TAFA2: variants seen among roughly 807,000 people sequenced by gnomAD.
The protein encoded by TAFA2 is TAFA chemokine like family member 2, also known as chemokine-like protein TAFA-2.
TAFA2 carries 7 observed loss-of-function variants against 18.8 expected under a neutral mutation model. The observed-to-expected ratio is 0.37, with a 90% CI of 0.21 to 0.70. TAFA2 has a LOEUF of 0.70. Among genes scored for constraint, TAFA2 ranks in the 30% least tolerant of loss-of-function variants. The pLI is 0.53. For missense variants in TAFA2, 122 were observed against 158.1 expected, an observed-to-expected ratio of 0.77 and a Z score of 1.23; for synonymous variants, 60 against 54.2, an observed-to-expected ratio of 1.11 and a Z score of -0.47.
At chr12:62,202,920 T>C (rs2062677832) in intron 1 of TAFA2, among the ~76,000 whole-genome samples, 1 of 134,580 alleles carries the variant, frequency 7.4e-6, no homozygotes, top group Non-Finnish European at 1.5e-5. Context: ...CTCCACCCCC[T>C]GGCTCAAGTA....
At chr12:62,061,849 A>T (rs916548788) in intron 1 of TAFA2, among the ~76,000 whole-genome samples, 4 of 152,204 alleles carry the variant, frequency 2.6e-5, no homozygotes, top group African/African-American at 9.6e-5. Context: ...GATAAAGGTG[A>T]CAAAAATCCT....
intron 1 of TAFA2, among the ~76,000 whole-genome samples, chr12:62,050,284 A>G (rs1335083921): frequency 1.3e-5 from 2 of 152,128 alleles, no homozygotes; most frequent in African/African-American, 4.8e-5. Context: ...TTAAAATTTT[A>G]TCACAGCTGG....
chr12:61,857,778 C>T (rs1387138882), intron 2 of TAFA2, among the ~76,000 whole-genome samples: 5 of 117,418 alleles, frequency 4.3e-5, no homozygotes, highest in African/African-American at 1.7e-4. Context: ...TTCTCCTGCA[C>T]CTCCTCTCTT....
intron 4 of TAFA2, among the ~76,000 whole-genome samples, chr12:61,710,778 T>C (rs1869364646): frequency 6.6e-6 from 1 of 151,956 alleles, no homozygotes; most frequent in African/African-American, 2.4e-5. Context: ...CACAAACACA[T>C]CATACTAGGC....
intron 4 of TAFA2, among the ~76,000 whole-genome samples, chr12:61,732,059 G>A (rs902818567): frequency 5.3e-5 from 8 of 152,050 alleles, no homozygotes; most frequent in Non-Finnish European, 1.0e-4. Context: ...GAATTAAGTC[G>A]AGAGAAAGAG....
chr12:61,774,489 TA>T (rs1044170784), intron 2 of TAFA2, among the ~76,000 whole-genome samples: 21 of 151,956 alleles, frequency 1.4e-4, no homozygotes, highest in African/African-American at 4.8e-4. Context: ...TACTCAGCTA[TA>T]AAAATGAATG....
intron 1 of TAFA2, among the ~76,000 whole-genome samples, chr12:62,013,500 C>A (rs1880834168): frequency 6.6e-6 from 1 of 152,128 alleles, no homozygotes; most frequent in Non-Finnish European, 1.5e-5. Context: ...AGTATCTAAT[C>A]CTTCAGGCAA....
At chr12:61,722,268 C>G (rs543333792) in intron 4 of TAFA2, among the ~76,000 whole-genome samples, 3 of 152,198 alleles carry the variant, frequency 2.0e-5, no homozygotes, top group East Asian at 3.9e-4. Context: ...AATATATTTT[C>G]TAATTTTGAA....
rs191004750 is a variant in TAFA2, at chr12:61,715,413, A to G, written c.385-4996T>C. On this transcript the variant is annotated intron_variant, in intron 4 of 4. Transcript: ENST00000416284. ...ACCCAGGCTGGAGTGCAGTAGTGCT[A>G]TCTCGGCTCACTGCAAGCTCTGCCT... 5.9e-3 allele frequency among the ~76,000 whole-genome samples: 893 copies of G among 151,876 alleles called. 7 individuals carry two copies. The highest frequency in any genetic ancestry group is 0.02 in the African/African-American group (845 of 41,404).
upstream of TAFA2, among the ~76,000 whole-genome samples, chr12:62,194,410 C>T (rs1169895892): frequency 1.3e-5 from 2 of 151,826 alleles, no homozygotes; most frequent in African/African-American, 4.8e-5. Context: ...ATAGTTTTGT[C>T]ATCTTGTTAA....
At chr12:61,868,678 A>G (rs1389480871) in intron 1 of TAFA2, among the ~76,000 whole-genome samples, 3 of 152,284 alleles carry the variant, frequency 2.0e-5, no homozygotes, top group Non-Finnish European at 4.4e-5. Flanking sequence ...TTTTTCATGT[A>G]TGACTAAATG....
chr12:62,142,299 A>C (rs1167775484), intron 1 of TAFA2, among the ~76,000 whole-genome samples: 2 of 152,212 alleles, frequency 1.3e-5, no homozygotes, highest in African/African-American at 4.8e-5. Context: ...ACATTTGTTG[A>C]ATAAACGAAA....
chr12:62,185,075 A>G (rs1481274231), intron 1 of TAFA2, among the ~76,000 whole-genome samples: 1 of 152,210 alleles, frequency 6.6e-6, no homozygotes, highest in South Asian at 2.1e-4. Context: ...AAAAAAGTAT[A>G]AATTCTGACC....
chr12:61,812,024 G>A (rs1223635899), intron 2 of TAFA2, among the ~76,000 whole-genome samples: 1 of 151,382 alleles, frequency 6.6e-6, no homozygotes, highest in East Asian at 1.9e-4. Flanking sequence ...TGTAAGAGAT[G>A]TATTGTGGCT....
chr12:62,149,515 C>A (rs1360320464), intron 1 of TAFA2, among the ~76,000 whole-genome samples: 5 of 149,078 alleles, frequency 3.4e-5, no homozygotes, highest in African/African-American at 1.2e-4. Context: ...GTTTTGCTGC[C>A]AAAAAATAAA....
At chr12:62,071,515 G>A (rs1882630868) in intron 1 of TAFA2, among the ~76,000 whole-genome samples, 1 of 152,132 alleles carries the variant, frequency 6.6e-6, no homozygotes, top group African/African-American at 2.4e-5. Context: ...GCCGAGACAG[G>A]AGGATTATTT....
chr12:62,227,270 A>G (rs2062790839), intron 1 of TAFA2, among the ~76,000 whole-genome samples: 2 of 152,198 alleles, frequency 1.3e-5, no homozygotes, highest in Non-Finnish European at 2.9e-5. Context: ...TCAAGACAGA[A>G]GTCGTTAATC....
upstream of TAFA2, among the ~76,000 whole-genome samples, chr12:62,193,103 G>A (rs950018276): frequency 8.5e-5 from 13 of 152,244 alleles, no homozygotes; most frequent in African/African-American, 2.6e-4. Context: ...ATTGGGTGTC[G>A]GTTTAAGCGC....
chr12:62,056,742 G>C (rs1008813571), intron 1 of TAFA2, among the ~76,000 whole-genome samples: 3 of 152,124 alleles, frequency 2.0e-5, no homozygotes, highest in Non-Finnish European at 4.4e-5. Flanking sequence ...CCTATGTTTT[G>C]ACCATGAAAA....
Sources: gnomAD v4.1 joint callset for allele counts (sites outside exome capture counted in the v4.1 genomes callset) on GRCh38, gnomAD v4.1.1 for gene constraint, MANE v1.5 for transcripts, NCBI Gene and HGNC (gene_info 2026-07-23, HGNC 2026-07-21) for gene names.